GRM7: variants seen among roughly 807,000 people sequenced by gnomAD.
GRM7 encodes the protein glutamate metabotropic receptor 7, also known as metabotropic glutamate receptor 7.
A neutral mutation model predicts 84.5 loss-of-function variants in GRM7; 35 were observed. The observed-to-expected ratio is 0.41, with a 90% CI of 0.32 to 0.55. The LOEUF is 0.55. Ranked by LOEUF, GRM7 falls within the 20% of genes least tolerant of loss-of-function variation. The pLI is 0.19. For missense variants in GRM7, 1,003 were observed against 1,194.6 expected (o/e 0.84, Z 2.36); for synonymous variants, 487 against 455.1 (o/e 1.07, Z -0.89).
intron 8 of GRM7, among the ~76,000 whole-genome samples, chr3:7,657,541 A>G (rs1699260438): frequency 6.6e-6 from 1 of 152,218 alleles, no homozygotes; most frequent in African/African-American, 2.4e-5. Context: ...GAGTTATGAA[A>G]TATAGCAAAG....
rs142886163 is a variant in GRM7, at chr3:7,304,960, G to A, written c.879-1538G>A. Among the ~76,000 whole-genome samples, 160 of 152,184 alleles carry A rather than the reference G, an allele frequency of 1.1e-3. 2 individuals carry two copies. Among genetic ancestry groups the A allele is most frequent in the African/African-American group, 3.5e-3 (144 of 41,518 alleles). On this transcript the variant is annotated intron_variant, in intron 3 of 9. Coordinates refer to ENST00000357716, the MANE Select transcript of GRM7 (RefSeq NM_000844.4). ...AGGCAGTAAAAAGCTCTGTGCCCAC[G>A]GGCAGTGCATGACAACTGATGGGGT... is the stretch of plus-strand genomic sequence containing the variant.
intron 1 of GRM7, among the ~76,000 whole-genome samples, chr3:6,960,823 G>T (rs1338307859): frequency 2.6e-5 from 4 of 152,010 alleles, no homozygotes; most frequent in Non-Finnish European, 5.9e-5. Context: ...GGGGCCTGGG[G>T]GTTGGATGTC....
chr3:7,588,037 G>C (rs1207593622), intron 8 of GRM7, among the ~76,000 whole-genome samples: 1 of 152,136 alleles, frequency 6.6e-6, no homozygotes, highest in Non-Finnish European at 1.5e-5. Context: ...CCCTCCCCAA[G>C]TAAAGCATGA....
chr3:7,167,636 T>C (rs1694842177), intron 2 of GRM7, among the ~76,000 whole-genome samples: 1 of 152,050 alleles, frequency 6.6e-6, no homozygotes, highest in African/African-American at 2.4e-5. Context: ...TTAAAATGGC[T>C]CAACTCCAAT....
rs1303874114 is a variant in GRM7 at position 6,929,540 on chromosome 3, T to C, written c.519+67633T>C. Among the ~76,000 whole-genome samples, 3 of 152,164 alleles carry C rather than the reference T, an allele frequency of 2.0e-5. No homozygotes were observed. In the South Asian group the frequency reaches 6.2e-4, roughly 32 times the overall value. On this transcript the variant is annotated intron_variant, in intron 1 of 9. Coordinates refer to ENST00000357716, the MANE Select transcript of GRM7 (RefSeq NM_000844.4). ...ATGCTGTCTTTTTACTTTATTTTTT[T>C]TTCCCAGGGACAAGAGAATAGAATT...
At chr3:7,289,454 T>G (rs951682181) in intron 2 of GRM7, among the ~76,000 whole-genome samples, 6 of 152,170 alleles carry the variant, frequency 3.9e-5, no homozygotes, top group Admixed American at 3.3e-4. Context: ...GTGTGGTGAT[T>G]CCTCAGGAAT....
At chr3:7,690,540 G>A (rs982056060) in intron 9 of GRM7, among the ~76,000 whole-genome samples, 3 of 152,144 alleles carry the variant, frequency 2.0e-5, no homozygotes, top group African/African-American at 7.2e-5. Flanking sequence ...CAAAAATATG[G>A]TGTAGTTGTA....
At chr3:7,278,365 G>A (rs1339839514) in intron 2 of GRM7, among the ~76,000 whole-genome samples, 2 of 151,882 alleles carry the variant, frequency 1.3e-5, no homozygotes, top group African/African-American at 4.8e-5. Context: ...TTTCATTTGA[G>A]CAAATCACTG....
intron 4 of GRM7, among the ~76,000 whole-genome samples, chr3:7,376,100 A>T (rs572381040): frequency 6.6e-6 from 1 of 152,190 alleles, no homozygotes; most frequent in Non-Finnish European, 1.5e-5. Flanking sequence ...TACTCCCGAG[A>T]TATAAAGTGG....
At chr3:6,872,034 C>T (rs1275108112) in intron 1 of GRM7, among the ~76,000 whole-genome samples, 1 of 151,940 alleles carries the variant, frequency 6.6e-6, no homozygotes, top group Non-Finnish European at 1.5e-5. Context: ...CAAGAAAAAA[C>T]AGGCAAGTAA....
chr3:6,977,407 T>C (rs923483610), intron 1 of GRM7, among the ~76,000 whole-genome samples: 1 of 151,964 alleles, frequency 6.6e-6, no homozygotes, highest in Non-Finnish European at 1.5e-5. Context: ...TGGTGTGTTG[T>C]TTTGTTTTAG....
At chr3:7,253,109 G>A (rs1201015224) in intron 2 of GRM7, among the ~76,000 whole-genome samples, 2 of 149,676 alleles carry the variant, frequency 1.3e-5, no homozygotes, top group Non-Finnish European at 3.0e-5. Context: ...GTAGATGGCT[G>A]TATGGATACA....
intron 1 of GRM7, among the ~76,000 whole-genome samples, chr3:7,110,509 C>T (rs1017970362): frequency 1.3e-5 from 2 of 151,784 alleles, no homozygotes; most frequent in East Asian, 1.9e-4. Flanking sequence ...ACAGGAGAAT[C>T]GCTTGAACCT....
intron 1 of GRM7, among the ~76,000 whole-genome samples, chr3:6,983,594 T>C (rs751041344): frequency 3.9e-5 from 6 of 152,308 alleles, no homozygotes; most frequent in Non-Finnish European, 8.8e-5. Flanking sequence ...CAAGGTTAAT[T>C]AAGAAACATA....
chr3:7,628,898 T>C (rs1458574817), intron 8 of GRM7, among the ~76,000 whole-genome samples: 1 of 152,200 alleles, frequency 6.6e-6, no homozygotes, highest in Non-Finnish European at 1.5e-5. Context: ...ATTGGCCCTG[T>C]AGATCACTGG....
chr3:7,287,186 A>G (rs1248291433), intron 2 of GRM7, among the ~76,000 whole-genome samples: 2 of 152,164 alleles, frequency 1.3e-5, no homozygotes, highest in Non-Finnish European at 2.9e-5. Context: ...TCATCTGGAG[A>G]TATTTACTGC....
chr3:6,960,093 T>C (rs2125080756), intron 1 of GRM7, among the ~76,000 whole-genome samples: 1 of 152,308 alleles, frequency 6.6e-6, no homozygotes, highest in South Asian at 2.1e-4. Context: ...AGACTAATTC[T>C]AGTGTTAAAT....
At chr3:7,534,269 C>T (rs1229470777) in intron 7 of GRM7, among the ~76,000 whole-genome samples, 1 of 152,168 alleles carries the variant, frequency 6.6e-6, no homozygotes, top group Non-Finnish European at 1.5e-5. Context: ...CTTCTTCAGC[C>T]TCCCAAAGTG....
At position 7,508,600 on chromosome 3, in the gene GRM7, G is replaced by A. The variant is rs1357504830; in HGVS notation, c.1515+46878G>A. ...AATGAGCAATATCATGGTGAGTCTG[G>A]AATATATTCCCAAGGGTATCTTTAG... On this transcript the variant is annotated intron_variant, in intron 7 of 9. Transcript: ENST00000357716. 2.6e-5 allele frequency among the ~76,000 whole-genome samples: 4 copies of A among 152,192 alleles called. No homozygotes were observed. In the South Asian group the frequency reaches 6.2e-4, roughly 24 times the overall value.
Sources: gnomAD v4.1 joint callset for allele counts (sites outside exome capture counted in the v4.1 genomes callset) on GRCh38, gnomAD v4.1.1 for gene constraint, MANE v1.5 for transcripts, NCBI Gene and HGNC (gene_info 2026-07-23, HGNC 2026-07-21) for gene names.